Variants in L3MBTL3 observed in about 807,000 individuals in gnomAD.
The protein encoded by L3MBTL3 is lethal(3)malignant brain tumor-like protein 3.
Under a neutral mutation model 102.3 loss-of-function variants are expected in L3MBTL3, and 27 were observed. The ratio of observed to expected loss-of-function variants is 0.26; its 90% CI spans 0.19 to 0.36. L3MBTL3 has a LOEUF of 0.36. Among genes scored for constraint, L3MBTL3 ranks in the 10% least tolerant of loss-of-function variants. L3MBTL3 has a pLI of 1.00. For missense variants in L3MBTL3, 798 were observed against 955.3 expected (o/e 0.84, Z 2.17); for synonymous variants, 340 against 320.9 (o/e 1.06, Z -0.64).
intron 20 of L3MBTL3, among the ~76,000 whole-genome samples, chr6:130,126,064 C>T (rs559286421): frequency 1.6e-3 from 247 of 151,404 alleles, no homozygotes; most frequent in Non-Finnish European, 2.9e-3. Context: ...TAACTCAATA[C>T]TTCCCTCCCT....
intron 18 of L3MBTL3, among the ~76,000 whole-genome samples, chr6:130,097,466 C>T (rs1012391808): frequency 6.6e-6 from 1 of 152,200 alleles, no homozygotes; most frequent in Non-Finnish European, 1.5e-5. Flanking sequence ...TTGTTACCTT[C>T]TCTGAAGATT....
At chr6:130,094,200 T>A in intron 17 of L3MBTL3, 65 bp from the exon 18 acceptor site, 1 of 1,279,384 alleles carries the variant, frequency 7.8e-7, no homozygotes, top group Non-Finnish European at 1.1e-6. Flanking sequence ...GATCCAGACA[T>A]TTGACTCTTC....
At chr6:130,112,036 G>T (rs1023803527) in intron 19 of L3MBTL3, among the ~76,000 whole-genome samples, 1 of 152,020 alleles carries the variant, frequency 6.6e-6, no homozygotes, top group Non-Finnish European at 1.5e-5. Flanking sequence ...GATCCTCTCT[G>T]TGCCATCTCC....
chr6:130,034,884 G>A (rs1033438358), intron 2 of L3MBTL3, among the ~76,000 whole-genome samples: 2 of 152,172 alleles, frequency 1.3e-5, no homozygotes, highest in Non-Finnish European at 2.9e-5. Context: ...TAAATACGTA[G>A]TCTGCGAATG....
At chr6:130,089,272 T>C (rs1416721851) in intron 16 of L3MBTL3, among the ~76,000 whole-genome samples, 1 of 144,222 alleles carries the variant, frequency 6.9e-6, no homozygotes, top group South Asian at 2.3e-4. Flanking sequence ...TGTGTCCAAG[T>C]TTTCTCATTG....
chr6:130,028,423 A>G (rs1393674529), intron 2 of L3MBTL3, among the ~76,000 whole-genome samples: 1 of 152,230 alleles, frequency 6.6e-6, no homozygotes, highest in Non-Finnish European at 1.5e-5. Flanking sequence ...GGATTAGTTC[A>G]CACTCAGGTG....
chr6:130,081,474 A>G (rs1783342638), intron 14 of L3MBTL3, among the ~76,000 whole-genome samples: 1 of 150,748 alleles, frequency 6.6e-6, no homozygotes, highest in Admixed American at 6.6e-5. Flanking sequence ...GCAGGAGTGC[A>G]GTGGTACAAT....
chr6:130,070,314 C>T (rs146657411), intron 12 of L3MBTL3, among the ~76,000 whole-genome samples: 1 of 152,060 alleles, frequency 6.6e-6, no homozygotes, highest in Non-Finnish European at 1.5e-5. Context: ...TGTTTTTGTT[C>T]CATGTTCTGA....
intron 20 of L3MBTL3, among the ~76,000 whole-genome samples, chr6:130,124,165 A>C (rs183590407): frequency 4.0e-4 from 61 of 152,262 alleles, no homozygotes; most frequent in African/African-American, 1.3e-3. Context: ...TTGTATCTCT[A>C]AATTGACCAA....
chr6:130,119,564 T>C (rs1014016222), intron 19 of L3MBTL3, among the ~76,000 whole-genome samples: 1 of 152,186 alleles, frequency 6.6e-6, no homozygotes, highest in Admixed American at 6.5e-5. Flanking sequence ...GCTTCATCCT[T>C]CTACTTTCTG....
intron 20 of L3MBTL3, among the ~76,000 whole-genome samples, chr6:130,122,744 G>A (rs1288736966): frequency 6.6e-6 from 1 of 152,038 alleles, no homozygotes; most frequent in Non-Finnish European, 1.5e-5. Flanking sequence ...TATAAGAGGA[G>A]GTAAGAGCAT....
chr6:130,131,585 T>C (rs7757534), intron 20 of L3MBTL3, among the ~76,000 whole-genome samples: 2 of 152,070 alleles, frequency 1.3e-5, no homozygotes, highest in African/African-American at 2.4e-5. Context: ...AAGAAAGAAT[T>C]TGGGGCAAGT....
At position 130,075,239 on chromosome 6, in the gene L3MBTL3, A is replaced by G. The variant is rs184479053; in HGVS notation, c.1245-3319A>G. 2.3e-3 allele frequency among the ~76,000 whole-genome samples: 349 copies of G among 152,160 alleles called. 1 individual carries two copies. The highest frequency in any genetic ancestry group is 3.2e-3 in the Non-Finnish European group (220 of 67,986). On this transcript the variant is annotated intron_variant, in intron 13 of 22. Coordinates refer to ENST00000361794, the MANE Select transcript of L3MBTL3 (RefSeq NM_032438.4). Reference sequence around the variant, plus strand: ...GGTTATTGCTTAATTTTTAGAACCAACCACTTGGAGGGGTGATGGCACTTG... The same window carrying G: ...GGTTATTGCTTAATTTTTAGAACCAGCCACTTGGAGGGGTGATGGCACTTG...
At chr6:130,073,646 T>A (rs376944589) in intron 13 of L3MBTL3, among the ~76,000 whole-genome samples, 4 of 152,054 alleles carry the variant, frequency 2.6e-5, no homozygotes, top group African/African-American at 9.7e-5. Context: ...AAAACATTCA[T>A]GTGGAAAAAA....
At chr6:130,090,041 A>G (rs2115196138) in intron 16 of L3MBTL3, among the ~76,000 whole-genome samples, 1 of 152,164 alleles carries the variant, frequency 6.6e-6, no homozygotes, top group Non-Finnish European at 1.5e-5. Context: ...ACTAGATTGT[A>G]TTTCATTTTC....
At chr6:130,073,823 GT>G (rs1206243020) in intron 13 of L3MBTL3, among the ~76,000 whole-genome samples, 1 of 152,156 alleles carries the variant, frequency 6.6e-6, no homozygotes, top group Non-Finnish European at 1.5e-5. Context: ...TTTAACTCGA[GT>G]TTTGTGCTTT....
chr6:130,075,354 G>T (rs1287897010), intron 13 of L3MBTL3, among the ~76,000 whole-genome samples: 1 of 152,100 alleles, frequency 6.6e-6, no homozygotes. Context: ...AGAAGGAATG[G>T]GTACTTAGAG....
intron 19 of L3MBTL3, among the ~76,000 whole-genome samples, chr6:130,120,420 T>G (rs1251425782): frequency 6.6e-6 from 1 of 152,152 alleles, no homozygotes; most frequent in East Asian, 1.9e-4. Context: ...AGGAAAAGCT[T>G]CCTAGAATTG....
At chr6:130,096,196 A>C (rs1338964425) in intron 18 of L3MBTL3, among the ~76,000 whole-genome samples, 1 of 151,752 alleles carries the variant, frequency 6.6e-6, no homozygotes, top group East Asian at 1.9e-4. Flanking sequence ...GGAGAAGGGA[A>C]CTCTGCTCTG....
Sources: allele counts gnomAD v4.1 joint callset (sites outside exome capture counted in the v4.1 genomes callset), GRCh38; gene constraint gnomAD v4.1.1; transcripts MANE v1.5; gene names NCBI Gene and HGNC (gene_info 2026-07-23, HGNC 2026-07-21).